The following CPNE4 variants were observed in gnomAD, a reference collection of about 807,000 sequenced individuals.
CPNE4 encodes the protein copine-4.
In CPNE4, 25 loss-of-function variants were observed where a neutral mutation model predicts 67.9. The observed-to-expected ratio is 0.37, with a 90% confidence interval of 0.27 to 0.51. The LOEUF is 0.51. CPNE4 is among the 20% of genes least tolerant of loss of function. CPNE4 has a pLI of 0.93. For synonymous variants in CPNE4, 242 were observed against 244.9 expected, an observed-to-expected ratio of 0.99 and a Z score of 0.11; for missense variants, 464 against 690.8, an observed-to-expected ratio of 0.67 and a Z score of 3.68.
intron 1 of CPNE4, among the ~76,000 whole-genome samples, chr3:131,943,608 G>A (rs949190104): frequency 1.3e-5 from 2 of 151,978 alleles, no homozygotes; most frequent in African/African-American, 2.4e-5. Flanking sequence ...CATTAATTCT[G>A]TTCTTCCTTT....
rs1208908173 is a variant in CPNE4, at chr3:131,990,201, C to T, written c.-2+44366G>A. ...ACATCTCCAAGATAGAAAGATTTAT[C>T]TATATTTAATTCTCTAAAAGAAAAG... is the stretch of plus-strand genomic sequence containing the variant. On this transcript the variant is annotated intron_variant, in intron 1 of 15. Coordinates refer to ENST00000429747, the MANE Select transcript of CPNE4 (RefSeq NM_130808.3). Among the ~76,000 whole-genome samples the T allele has an allele frequency of 2.2e-5, 3 of 136,242 alleles. 1 individual carries two copies. Among genetic ancestry groups the T allele is most frequent in the South Asian group, 5.1e-4 (2 of 3,922 alleles). 89.4% of individuals were successfully genotyped at this position (136,242 alleles called of 152,430 possible). A position where few individuals can be genotyped will look rare whatever the true frequency, so the allele number is the denominator to read the frequency against.
chr3:131,996,847 G>A (rs1377519903), intron 1 of CPNE4, among the ~76,000 whole-genome samples: 1 of 151,864 alleles, frequency 6.6e-6, no homozygotes, highest in East Asian at 1.9e-4. Flanking sequence ...GCAGTCCAGA[G>A]TTTCAGGAGA....
At position 131,534,692 on chromosome 3, in the gene CPNE4, T is replaced by A. The variant is rs899278275; in HGVS notation, c.*503A>T. 6.6e-6 allele frequency: 1 copy of A among 152,410 alleles called. No homozygotes were observed. The highest frequency in any genetic ancestry group is 1.5e-5 in the Non-Finnish European group (1 of 68,082). The allele number at this position is 152,410 out of a possible 1,614,324, so 9.4% of individuals were successfully genotyped here. A position where few individuals can be genotyped will look rare whatever the true frequency, so the allele number is the denominator to read the frequency against. On this transcript the variant is annotated 3_prime_UTR_variant, in exon 16 of 16. Transcript: ENST00000429747. ...GAGACCATTCTCAGCAGGGAGGAAT[T>A]AGAGATAACAACTGCAAAAACCATG...
intron 7 of CPNE4, among the ~76,000 whole-genome samples, chr3:131,653,848 C>T (rs903628854): frequency 1.3e-5 from 2 of 152,130 alleles, no homozygotes; most frequent in Admixed American, 6.5e-5. Flanking sequence ...GCAACTTACA[C>T]GTCAGCAGAA....
intron 7 of CPNE4, among the ~76,000 whole-genome samples, chr3:131,612,284 G>C (rs1449355350): frequency 1.3e-5 from 2 of 152,134 alleles, no homozygotes; most frequent in African/African-American, 4.8e-5. Flanking sequence ...TGAGGCAGGA[G>C]AATCACTTGA....
intron 2 of CPNE4, among the ~76,000 whole-genome samples, chr3:131,737,839 T>A (rs557392686): frequency 6.0e-5 from 9 of 150,502 alleles, no homozygotes; most frequent in Admixed American, 2.7e-4. Context: ...TAGAGGACTT[T>A]AAAAAAAAAA....
intron 1 of CPNE4, among the ~76,000 whole-genome samples, chr3:132,027,085 T>C (rs1400647906): frequency 1.3e-5 from 2 of 152,224 alleles, no homozygotes; most frequent in African/African-American, 4.8e-5. Flanking sequence ...GCTTATTTCA[T>C]TCAGTCAACC....
At chr3:131,867,471 T>C (rs1407565565) in intron 2 of CPNE4, among the ~76,000 whole-genome samples, 1 of 152,116 alleles carries the variant, frequency 6.6e-6, no homozygotes, top group Admixed American at 6.6e-5. Context: ...ACAGAGGCAA[T>C]GTTGAATGAG....
intron 1 of CPNE4, among the ~76,000 whole-genome samples, chr3:132,001,525 A>G (rs2073431555): frequency 1.3e-5 from 2 of 149,534 alleles, no homozygotes; most frequent in African/African-American, 2.5e-5. Flanking sequence ...TGAGAGAGAG[A>G]GAGAGAAAGA....
At chr3:131,541,629 C>G (rs1935495751) in intron 15 of CPNE4, among the ~76,000 whole-genome samples, 1 of 150,138 alleles carries the variant, frequency 6.7e-6, no homozygotes, top group South Asian at 2.1e-4. Context: ...TCTACCTTAG[C>G]AAACTTATTC....
chr3:132,016,026 A>G (rs1259741468), intron 1 of CPNE4, among the ~76,000 whole-genome samples: 2 of 152,260 alleles, frequency 1.3e-5, no homozygotes, highest in African/African-American at 4.8e-5. Flanking sequence ...GGTGAAATAA[A>G]TGTACATATC....
At chr3:131,945,722 T>C (rs1247729331) in intron 1 of CPNE4, among the ~76,000 whole-genome samples, 2 of 152,174 alleles carry the variant, frequency 1.3e-5, no homozygotes, top group African/African-American at 4.8e-5. Flanking sequence ...GATTAATCTC[T>C]TGCTTGTCTA....
chr3:131,820,697 T>G (rs2084930578), intron 2 of CPNE4, among the ~76,000 whole-genome samples: 1 of 152,248 alleles, frequency 6.6e-6, no homozygotes, highest in South Asian at 2.1e-4. Flanking sequence ...TAAAAATAAC[T>G]TTCAGTATTT....
chr3:131,581,183 A>G (rs1937811119), intron 9 of CPNE4, among the ~76,000 whole-genome samples: 1 of 152,152 alleles, frequency 6.6e-6, no homozygotes, highest in Non-Finnish European at 1.5e-5. Flanking sequence ...AAAACAAAGC[A>G]AACAAACAAA....
chr3:131,613,469 TTTTC>T (rs896924701), intron 7 of CPNE4, among the ~76,000 whole-genome samples: 37 of 152,344 alleles, frequency 2.4e-4, no homozygotes, highest in African/African-American at 8.9e-4. Context: ...TCTTGCCTTC[TTTTC>T]TTTCTGTCTT....
At chr3:131,569,918 C>T (rs975153903) in intron 10 of CPNE4, among the ~76,000 whole-genome samples, 5 of 151,856 alleles carry the variant, frequency 3.3e-5, no homozygotes, top group Non-Finnish European at 5.9e-5. Context: ...AAAAATATCA[C>T]TCGCCATGCC....
intron 2 of CPNE4, among the ~76,000 whole-genome samples, chr3:131,760,013 A>G (rs2082849619): frequency 6.6e-6 from 1 of 152,322 alleles, no homozygotes; most frequent in South Asian, 2.1e-4. Context: ...CCTCCACTAT[A>G]AAGAAAATTC....
At chr3:131,604,745 T>C (rs1251395842) in intron 7 of CPNE4, among the ~76,000 whole-genome samples, 1 of 151,080 alleles carries the variant, frequency 6.6e-6, no homozygotes, top group Non-Finnish European at 1.5e-5. Context: ...TTGGGTGAGT[T>C]AATACTTAAT....
At chr3:131,570,334 T>TA (rs1454654058) in intron 10 of CPNE4, among the ~76,000 whole-genome samples, 9 of 151,284 alleles carry the variant, frequency 5.9e-5, no homozygotes, top group African/African-American at 2.2e-4. Context: ...TTTATTTATT[T>TA]TTTTAAAATT....
Sources: allele counts gnomAD v4.1 joint callset (sites outside exome capture counted in the v4.1 genomes callset), GRCh38; gene constraint gnomAD v4.1.1; transcripts MANE v1.5; gene names NCBI Gene and HGNC (gene_info 2026-07-23, HGNC 2026-07-21).